The following RYR2 variants were observed in gnomAD, a reference collection of about 807,000 sequenced individuals.
The protein encoded by RYR2 is cardiac muscle ryanodine receptor-calcium release channel.
A neutral mutation model predicts 601.1 loss-of-function variants in RYR2; 227 were observed. That is an observed-to-expected ratio of 0.38 (90% confidence interval 0.34 to 0.42). The LOEUF is 0.42. Ranked by LOEUF, RYR2 falls within the 10% of genes least tolerant of loss-of-function variation. RYR2 has a pLI of 1.00. For missense variants in RYR2, 4,646 were observed against 6,156.5 expected, an observed-to-expected ratio of 0.75 and a Z score of 8.21; for synonymous variants, 2,223 against 2,175.1, an observed-to-expected ratio of 1.02 and a Z score of -0.61.
intron 56 of RYR2, among the ~76,000 whole-genome samples, chr1:237,664,283 T>C (rs796920705): frequency 1.9e-4 from 29 of 152,338 alleles, no homozygotes; most frequent in Admixed American, 3.9e-4. Flanking sequence ...CAGATACTTA[T>C]TGAGCACCTA....
intron 63 of RYR2, among the ~76,000 whole-genome samples, chr1:237,694,497 C>T (rs536697290): frequency 1.3e-5 from 2 of 151,974 alleles, no homozygotes; most frequent in Admixed American, 1.3e-4. Context: ...AGTACTATGA[C>T]AATATGCATG....
intron 47 of RYR2, among the ~76,000 whole-genome samples, chr1:237,641,981 T>TA (rs5781977): frequency 0.34 from 51,945 of 151,784 alleles, 9,101 homozygotes; most frequent in African/African-American, 0.42. Context: ...TATATTCATT[T>TA]AAAAAAAAAT....
intron 94 of RYR2, 79 bp downstream of exon 94, chr1:237,792,402 T>TGTGC: frequency 2.5e-6 from 1 of 392,926 alleles, no homozygotes; most frequent in Non-Finnish European, 4.2e-6. Context: ...TGTGTGCGTG[T>TGTGC]GTGTGTGTGT....
At chr1:237,331,798 GC>G (rs1206767539) in intron 3 of RYR2, among the ~76,000 whole-genome samples, 17 of 152,032 alleles carry the variant, frequency 1.1e-4, no homozygotes. Flanking sequence ...ACAGGCGTGA[GC>G]CACCGCGCCC....
chr1:237,406,430 A>G (rs1703913514), intron 10 of RYR2, among the ~76,000 whole-genome samples: 1 of 151,800 alleles, frequency 6.6e-6, no homozygotes, highest in Non-Finnish European at 1.5e-5. Flanking sequence ...GCTAAATACA[A>G]TTATATTTCT....
intron 1 of RYR2, among the ~76,000 whole-genome samples, chr1:237,119,542 A>C (rs1036048367): frequency 1.3e-5 from 2 of 152,218 alleles, no homozygotes; most frequent in Admixed American, 6.5e-5. Context: ...ATCCAGGTGC[A>C]GTGTCAGATG....
rs1184778577 is a variant in RYR2, at chr1:237,106,094, C to G, written c.48+63525C>G. 6.6e-6 allele frequency among the ~76,000 whole-genome samples: 1 copy of G among 152,008 alleles called. No individual in the cohort carries two copies. The highest frequency in any genetic ancestry group is 2.4e-5 in the African/African-American group (1 of 41,382). Reference sequence around the variant, plus strand: ...GTGTGGGCCGGGCAGGTGGAGGAGGCCTTGAGGGCTGTTGAGAGGACTGGG... The same window carrying G: ...GTGTGGGCCGGGCAGGTGGAGGAGGGCTTGAGGGCTGTTGAGAGGACTGGG... On this transcript the variant is annotated intron_variant, in intron 1 of 104. Coordinates refer to ENST00000366574, the MANE Select transcript of RYR2 (RefSeq NM_001035.3). The surrounding 1 kb of genome is among the most constrained non-coding windows in gnomAD (Gnocchi z 4.4).
intron 2 of RYR2, among the ~76,000 whole-genome samples, chr1:237,327,707 C>T (rs1696301154): frequency 6.6e-6 from 1 of 152,140 alleles, no homozygotes; most frequent in South Asian, 2.1e-4. Context: ...TTACAATATG[C>T]AAAACTAATG....
rs536382212 is a variant in RYR2 at position 237,344,128 on chromosome 1, A to G, written c.274-11837A>G. 2.0e-5 allele frequency among the ~76,000 whole-genome samples: 3 copies of G among 152,250 alleles called. No homozygotes were observed. The East Asian group carries it at 5.8e-4, about 29-fold the overall frequency. ...GTGAGCCACCACGCCTGGCCCCCATAAGGGGTTTTTAGTTCCTCGGGAAAC... is the reference window on the plus strand; with the variant it reads ...GTGAGCCACCACGCCTGGCCCCCATGAGGGGTTTTTAGTTCCTCGGGAAAC... On this transcript the variant is annotated intron_variant, in intron 3 of 104. Transcript: ENST00000366574.
intron 1 of RYR2, among the ~76,000 whole-genome samples, chr1:237,191,419 T>C (rs538531623): frequency 2.0e-5 from 1 of 50,928 alleles, no homozygotes; most frequent in African/African-American, 3.5e-5. Flanking sequence ...ATTTTATGGG[T>C]TTTTTTTTTT....
intron 23 of RYR2, among the ~76,000 whole-genome samples, chr1:237,510,958 A>G (rs916066399): frequency 6.6e-6 from 1 of 152,188 alleles, no homozygotes; most frequent in South Asian, 2.1e-4. Context: ...TGAGATCAGG[A>G]GGTAACATGC....
In RYR2 at chr1:237,660,962, C is replaced by T. The variant is rs536793514; in HGVS notation, c.8436+15C>T. Reference sequence around the variant, plus strand: ...AGACAAGCCAGGTAAGAATTCATCACGGTGATGAATCAACTGTTTATGTTA... The same window carrying T: ...AGACAAGCCAGGTAAGAATTCATCATGGTGATGAATCAACTGTTTATGTTA... On this transcript the variant is annotated intron_variant, in intron 56 of 104. Coordinates refer to ENST00000366574, the MANE Select transcript of RYR2 (RefSeq NM_001035.3). 28 of 1,369,486 alleles carry T rather than the reference C, an allele frequency of 2.0e-5. 1 individual carries two copies. The highest frequency in any genetic ancestry group is 1.6e-4 in the African/African-American group (11 of 67,422). The allele number at this position is 1,369,486 out of a possible 1,614,324, so 84.8% of individuals were successfully genotyped here.
chr1:237,063,892 C>T (rs1173345502), intron 1 of RYR2, among the ~76,000 whole-genome samples: 2 of 152,176 alleles, frequency 1.3e-5, no homozygotes, highest in Non-Finnish European at 2.9e-5. Context: ...CGACCCCACC[C>T]CCAGCAATTC....
chr1:237,745,565 G>A (rs935172491), intron 80 of RYR2, among the ~76,000 whole-genome samples: 3 of 152,162 alleles, frequency 2.0e-5, no homozygotes, highest in Non-Finnish European at 4.4e-5. Context: ...TTGATAAATA[G>A]GGTCAAATTT....
At position 237,808,358 on chromosome 1, in the gene RYR2, G is replaced by A. The variant is rs1271844682; in HGVS notation, c.14299-543G>A. Among the ~76,000 whole-genome samples, 9 of 151,944 alleles carry A rather than the reference G, an allele frequency of 5.9e-5. No homozygotes were observed. The East Asian group carries it at 7.8e-4, about 13-fold the overall frequency. ...TTAGGAATGTAATTTATAGAAAATA[G>A]CCCTCATAAAATGAAGAAAGGGCCG... On this transcript the variant is annotated intron_variant, in intron 99 of 104. Transcript: ENST00000366574.
chr1:237,270,051 T>G (rs1407950198), intron 1 of RYR2, among the ~76,000 whole-genome samples: 2 of 152,218 alleles, frequency 1.3e-5, no homozygotes, highest in Non-Finnish European at 2.9e-5. Context: ...TTGACCTGTT[T>G]TCCTGTGTGA....
At chr1:237,206,797 A>T (rs1309570794) in intron 1 of RYR2, among the ~76,000 whole-genome samples, 2 of 152,202 alleles carry the variant, frequency 1.3e-5, no homozygotes, top group African/African-American at 2.4e-5. Context: ...ACTATTGGAC[A>T]CTATCCCGGC....
chr1:237,057,601 T>C (rs144546018), intron 1 of RYR2, among the ~76,000 whole-genome samples: 226 of 152,228 alleles, frequency 1.5e-3, no homozygotes, highest in African/African-American at 5.2e-3. Flanking sequence ...GCAGATGATA[T>C]AGACAATCTT....
intron 1 of RYR2, among the ~76,000 whole-genome samples, chr1:237,268,829 G>A (rs1193675790): frequency 1.1e-4 from 17 of 148,764 alleles, no homozygotes; most frequent in African/African-American, 3.7e-4. Context: ...CCAGCTACTC[G>A]GGAGGCTGAG....
Sources: gnomAD v4.1 joint callset for allele counts (sites outside exome capture counted in the v4.1 genomes callset) on GRCh38, gnomAD v4.1.1 for gene constraint, Gnocchi (gnomAD v3.1) non-coding constraint, MANE v1.5 for transcripts, NCBI Gene and HGNC (gene_info 2026-07-23, HGNC 2026-07-21) for gene names.